Variants in CACNA1A observed in about 807,000 individuals in gnomAD.
CACNA1A encodes calcium voltage-gated channel subunit alpha1 A, also known as voltage-dependent P/Q-type calcium channel subunit alpha-1A.
Under a neutral mutation model 262.4 loss-of-function variants are expected in CACNA1A, and 57 were observed. That is an observed-to-expected ratio of 0.22 (90% CI 0.18 to 0.27). The LOEUF is 0.27. CACNA1A is among the 10% of genes least tolerant of loss of function. CACNA1A has a pLI of 1.00. For missense variants in CACNA1A, 2,526 were observed against 3,562.8 expected, an observed-to-expected ratio of 0.71 and a Z score of 7.41; for synonymous variants, 1,431 against 1,419.3, an observed-to-expected ratio of 1.01 and a Z score of -0.18.
intron 28 of CACNA1A, among the ~76,000 whole-genome samples, chr19:13,255,741 C>CTCCCTCCCTCCTTCCCTCCCTCCT (rs1255942176): frequency 1.1e-5 from 1 of 87,324 alleles, no homozygotes; most frequent in Non-Finnish European, 2.5e-5. Context: ...CCCTCCTTCC[C>CTCCCTCCCTCCTTCCCTCCCTCCT]TCCCTCCCTC....
At chr19:13,445,983 G>A (rs7253463) in intron 3 of CACNA1A, among the ~76,000 whole-genome samples, 19,343 of 152,108 alleles carry the variant, frequency 0.13, 1,565 homozygotes, top group East Asian at 0.26. Flanking sequence ...TAATCAGAAA[G>A]TACTCATTAG....
chr19:13,250,609 G>A (rs1600170349), intron 30 of CACNA1A, among the ~76,000 whole-genome samples: 2 of 151,886 alleles, frequency 1.3e-5, no homozygotes, highest in South Asian at 2.1e-4. Context: ...TGTTGGCAAG[G>A]GTGGTCTGGA....
At chr19:13,331,124 C>T (rs1283952365) in intron 9 of CACNA1A, among the ~76,000 whole-genome samples, 1 of 152,082 alleles carries the variant, frequency 6.6e-6, no homozygotes, top group Non-Finnish European at 1.5e-5. Context: ...ATCTCCCCTC[C>T]CCAACTAAGA....
At chr19:13,357,716 C>A (rs1245917602) in intron 6 of CACNA1A, among the ~76,000 whole-genome samples, 1 of 152,132 alleles carries the variant, frequency 6.6e-6, no homozygotes, top group African/African-American at 2.4e-5. Context: ...ATTATAAATG[C>A]ATTTAGGCTG....
At chr19:13,287,816 T>C (rs915415747) in intron 19 of CACNA1A, among the ~76,000 whole-genome samples, 1 of 151,444 alleles carries the variant, frequency 6.6e-6, no homozygotes, top group Admixed American at 6.6e-5. Context: ...TTTTTTTTTT[T>C]TTTTCAGACA....
Position 13,298,859 on chromosome 19 carries a change from G to A in CACNA1A, c.2774C>T (p.Ala925Val), listed in dbSNP as rs765345767. Reference protein sequence around the residue: ...FWEGEAERGKAGDPHRRHVHR... With the variant: ...FWEGEAERGKVGDPHRRHVHR... Reference sequence around the variant, plus strand: ...CACGTGCCTCCGGTGGGGGTCCCCGGCCTTGCCTCGCTCGGCCTCGCCCTC... The same window carrying A: ...CACGTGCCTCCGGTGGGGGTCCCCGACCTTGCCTCGCTCGGCCTCGCCCTC... The change falls in exon 19 of 47, where the codon GCC becomes GTC. Residue 925 changes from alanine (A) to valine (V), a missense_variant. Physicochemically the swap from Ala to Val is moderately conservative, Grantham distance 64 (BLOSUM62 0). This residue lies in a region of CACNA1A where 765 missense variants were observed against 748.6 expected (regional missense o/e 1.02). Transcript: ENST00000360228. 2.6e-5 allele frequency: 41 copies of A among 1,590,324 alleles called. No individual in the cohort carries two copies. Among genetic ancestry groups the A allele is most frequent in the Non-Finnish European group, 3.4e-5 (40 of 1,176,568 alleles).
intron 3 of CACNA1A, among the ~76,000 whole-genome samples, chr19:13,437,010 A>C (rs2060624424): frequency 6.6e-6 from 1 of 152,196 alleles, no homozygotes. Context: ...CCTGGATGTT[A>C]AATACTTTAT....
At chr19:13,299,788 T>C (rs2057750978) in intron 18 of CACNA1A, among the ~76,000 whole-genome samples, 1 of 152,088 alleles carries the variant, frequency 6.6e-6, no homozygotes, top group Non-Finnish European at 1.5e-5. Context: ...CCATGTAACC[T>C]TCTAGGTGAG....
chr19:13,290,527 T>C (rs4926258), intron 19 of CACNA1A, among the ~76,000 whole-genome samples: 82,110 of 151,732 alleles, frequency 0.54, 24,073 homozygotes, highest in East Asian at 0.81. Flanking sequence ...TCAAGCGATC[T>C]TCCCACCCTG....
chr19:13,230,571 G>A (rs1432806160), intron 35 of CACNA1A, among the ~76,000 whole-genome samples: 17 of 151,794 alleles, frequency 1.1e-4, no homozygotes, highest in Non-Finnish European at 2.1e-4. Flanking sequence ...TTGGGAGGCC[G>A]AGGTGGACAG....
chr19:13,409,789 G>C lies in CACNA1A; in HGVS notation c.540-38010C>G, dbSNP rs1288960539. Reference sequence around the variant, plus strand: ...GAACTCCTGATTCAAGCTCAGAAGTGAATCAGGAGTTCAAGCAATCCTCCC... The same window carrying C: ...GAACTCCTGATTCAAGCTCAGAAGTCAATCAGGAGTTCAAGCAATCCTCCC... On this transcript the variant is annotated intron_variant, in intron 3 of 46. Transcript: ENST00000360228. Among the ~76,000 whole-genome samples, 3 of 152,090 alleles carry C rather than the reference G, an allele frequency of 2.0e-5. No homozygotes were observed. In the East Asian group the frequency reaches 5.8e-4, roughly 29 times the overall value.
Position 13,262,864 on chromosome 19 carries a change from G to A in CACNA1A, c.3990-31C>T, listed in dbSNP as rs368606360. ...GAGGAATGTTTAGGTGGGAAGAAGG[G>A]AAGAGAGGAAGCAGAGGTCAGGTTG... On this transcript the variant is annotated intron_variant, in intron 24 of 46. Coordinates refer to ENST00000360228, the MANE Select transcript of CACNA1A (RefSeq NM_001127222.2). 44 of 1,491,122 alleles carry A rather than the reference G, an allele frequency of 3.0e-5. No homozygotes were observed. The African/African-American group carries it at 4.5e-4, about 15-fold the overall frequency. The allele number at this position is 1,491,122 out of a possible 1,614,324, so 92.4% of individuals were successfully genotyped here.
intron 3 of CACNA1A, among the ~76,000 whole-genome samples, chr19:13,427,810 C>T (rs2060431501): frequency 1.3e-5 from 2 of 152,262 alleles, no homozygotes; most frequent in South Asian, 2.1e-4. Context: ...AACAAACATA[C>T]ACACACACTC....
At position 13,376,800 on chromosome 19, in the gene CACNA1A, C is replaced by T. The variant is rs1270414361; in HGVS notation, c.540-5021G>A. On this transcript the variant is annotated intron_variant, in intron 3 of 46. Coordinates refer to ENST00000360228, the MANE Select transcript of CACNA1A (RefSeq NM_001127222.2). Reference sequence around the variant, plus strand: ...ACATAATATATGTGACATATATACACATAATATATGTTATGTGTGATATAT... The same window carrying T: ...ACATAATATATGTGACATATATACATATAATATATGTTATGTGTGATATAT... 3.2e-3 allele frequency among the ~76,000 whole-genome samples: 430 copies of T among 132,400 alleles called. 7 individuals are homozygous for T. The highest frequency in any genetic ancestry group is 0.012 in the African/African-American group (411 of 33,868). The allele number at this position is 132,400 out of a possible 152,430, so 86.9% of individuals were successfully genotyped here.
Position 13,235,433 on chromosome 19 carries a change from GA to G in CACNA1A, c.5068-160del, listed in dbSNP as rs565665282. Reference sequence around the variant, plus strand: ...TGGGCATCTCTGGGGGCTCTAGGATGAGGCCCTTACAGCTCTGAAGACACAC... The same window carrying G: ...TGGGCATCTCTGGGGGCTCTAGGATGGGCCCTTACAGCTCTGAAGACACAC... On this transcript the variant is annotated intron_variant, in intron 32 of 46. Coordinates refer to ENST00000360228, the MANE Select transcript of CACNA1A (RefSeq NM_001127222.2). Among the ~76,000 whole-genome samples the G allele has an allele frequency of 3.9e-5, 6 of 152,320 alleles. No homozygotes were observed. In the East Asian group the frequency reaches 1.2e-3, roughly 29 times the overall value.
chr19:13,475,845 C>T (rs1220136420), intron 1 of CACNA1A, among the ~76,000 whole-genome samples: 1 of 152,112 alleles, frequency 6.6e-6, no homozygotes, highest in Non-Finnish European at 1.5e-5. Flanking sequence ...AAATTACAAC[C>T]AGAACATAAT....
At chr19:13,217,093 G>A (rs2055040802) in intron 38 of CACNA1A, among the ~76,000 whole-genome samples, 1 of 152,104 alleles carries the variant, frequency 6.6e-6, no homozygotes, top group Admixed American at 6.6e-5. Context: ...TTGAGACTGC[G>A]CCACTGCACT....
At chr19:13,211,966 C>T (rs2054827865) in intron 43 of CACNA1A, 137 bp downstream of exon 43, 1 of 630,626 alleles carries the variant, frequency 1.6e-6, no homozygotes, top group African/African-American at 1.8e-5. Context: ...CTGCAGACTG[C>T]TTCAGAGACT....
intron 15 of CACNA1A, chr19:13,307,366 T>G (rs1351412307): frequency 6.3e-6 from 1 of 157,868 alleles, no homozygotes; most frequent in African/African-American, 2.4e-5. Flanking sequence ...CCCGAGTAGC[T>G]GGGATTACAG....
Sources: gnomAD v4.1 joint callset for allele counts (sites outside exome capture counted in the v4.1 genomes callset) on GRCh38, gnomAD v4.1.1 for gene constraint, gnomAD v4.1.1 regional missense constraint, MANE v1.5 for transcripts, NCBI Gene and HGNC (gene_info 2026-07-23, HGNC 2026-07-21) for gene names.